ABCC9: variants seen among roughly 807,000 people sequenced by gnomAD.
The protein encoded by ABCC9 is ATP-binding cassette sub-family C member 9.
ABCC9 carries 95 observed loss-of-function variants against 188.3 expected under a neutral mutation model. The observed-to-expected ratio is 0.50, with a 90% CI of 0.43 to 0.60. The LOEUF is 0.60. ABCC9 is among the 20% of genes least tolerant of loss of function. The pLI is 0.00. For synonymous variants in ABCC9, 659 were observed against 652.7 expected, an observed-to-expected ratio of 1.01 and a Z score of -0.15; for missense variants, 1,102 against 1,876.3, an observed-to-expected ratio of 0.59 and a Z score of 7.62.
chr12:21,798,669 C>T lies in ABCC9; in HGVS notation c.*2375G>A, dbSNP rs1299186383. 1 of 152,022 alleles carries T rather than the reference C, an allele frequency of 6.6e-6. No individual in the cohort carries two copies. The highest frequency in any genetic ancestry group is 1.9e-4 in the East Asian group (1 of 5,168). 9.4% of individuals were successfully genotyped at this position (152,022 alleles called of 1,614,324 possible). A position where few individuals can be genotyped will look rare whatever the true frequency, so the allele number is the denominator to read the frequency against. On this transcript the variant is annotated 3_prime_UTR_variant, in exon 40 of 40. Transcript: ENST00000261200. ...CTGTGCAGAAGCTCTTTAGTTTAAC[C>T]ATTGTGGAAGTCAGTGTGGCGATTC...
intron 36 of ABCC9, among the ~76,000 whole-genome samples, chr12:21,810,165 G>A (rs1047108883): frequency 1.3e-5 from 2 of 152,114 alleles, no homozygotes; most frequent in Non-Finnish European, 1.5e-5. Context: ...ATAAAAAATT[G>A]TCTTGATATC....
intron 18 of ABCC9, among the ~76,000 whole-genome samples, chr12:21,864,710 C>G (rs1945697269): frequency 6.6e-6 from 1 of 152,078 alleles, no homozygotes; most frequent in Non-Finnish European, 1.5e-5. Context: ...TAGCACTGTT[C>G]TCTTTCATAA....
intron 35 of ABCC9, among the ~76,000 whole-genome samples, chr12:21,813,002 C>T (rs932010429): frequency 2.0e-5 from 3 of 152,126 alleles, no homozygotes; most frequent in Non-Finnish European, 4.4e-5. Flanking sequence ...ACTTTTCCTT[C>T]TAGTATTCCC....
chr12:21,870,982 G>T (rs11046218), intron 18 of ABCC9, among the ~76,000 whole-genome samples: 7,826 of 152,162 alleles, frequency 0.051, 335 homozygotes, highest in South Asian at 0.12. Context: ...TGGGGCTGGG[G>T]CCTGGAAAGT....
At chr12:21,802,465 A>T (rs1198609410) in intron 39 of ABCC9, among the ~76,000 whole-genome samples, 1 of 152,216 alleles carries the variant, frequency 6.6e-6, no homozygotes, top group Non-Finnish European at 1.5e-5. Context: ...AATGAAAGCA[A>T]CTTTAATACA....
chr12:21,818,114 G>C (rs769928616), intron 32 of ABCC9, 36 bp downstream of exon 32: 8 of 1,452,352 alleles, frequency 5.5e-6, no homozygotes, highest in Non-Finnish European at 7.7e-6. Flanking sequence ...GCGGTGTTTG[G>C]TTATCTGTTC....
At chr12:21,885,604 A>C (rs1946834522) in intron 15 of ABCC9, among the ~76,000 whole-genome samples, 1 of 152,046 alleles carries the variant, frequency 6.6e-6, no homozygotes, top group Non-Finnish European at 1.5e-5. Context: ...CAAATATTTG[A>C]TCCCCTACTG....
At chr12:21,860,749 A>T (rs1438414232) in intron 21 of ABCC9, among the ~76,000 whole-genome samples, 1 of 152,180 alleles carries the variant, frequency 6.6e-6, no homozygotes, top group East Asian at 1.9e-4. Flanking sequence ...CTCTTAAGTG[A>T]CTAGTACCAT....
At chr12:21,882,178 C>T (rs1413506687) in intron 16 of ABCC9, among the ~76,000 whole-genome samples, 3 of 152,172 alleles carry the variant, frequency 2.0e-5, no homozygotes, top group African/African-American at 4.8e-5. Flanking sequence ...ACTCTGGCAG[C>T]TCCCATGGAT....
chr12:21,839,103 G>A (rs1346535062), intron 29 of ABCC9, among the ~76,000 whole-genome samples: 3 of 152,202 alleles, frequency 2.0e-5, no homozygotes, highest in African/African-American at 7.2e-5. Context: ...CAATGTACAG[G>A]ATGAAAGAGA....
chr12:21,898,105 C>A (rs1175702113), intron 12 of ABCC9, among the ~76,000 whole-genome samples: 1 of 152,154 alleles, frequency 6.6e-6, no homozygotes, highest in African/African-American at 2.4e-5. Flanking sequence ...CTGCAGTGAG[C>A]TATGTTTGCA....
rs558786431 is a variant in ABCC9, at chr12:21,801,742, G to A, written c.4513-561C>T. Among the ~76,000 whole-genome samples, 26 of 152,230 alleles carry A rather than the reference G, an allele frequency of 1.7e-4. 1 individual carries two copies. In the South Asian group the frequency reaches 4.8e-3, roughly 28 times the overall value. ...ACTGACCCATTCCTTCTTTCCACGC[G>A]ATGCCCTTTGGATTAATTAGTAACT... On this transcript the variant is annotated intron_variant, in intron 39 of 39. Transcript: ENST00000261200.
intron 12 of ABCC9, among the ~76,000 whole-genome samples, chr12:21,901,474 T>A (rs2137799153): frequency 6.6e-6 from 1 of 152,222 alleles, no homozygotes; most frequent in South Asian, 2.1e-4. Flanking sequence ...TAAAAGTAAA[T>A]GGGCTAAATG....
At position 21,895,259 on chromosome 12, in the gene ABCC9, A is replaced by G. The variant is rs1200805846; in HGVS notation, c.1659+16T>C. On this transcript the variant is annotated intron_variant, in intron 13 of 39. Transcript: ENST00000261200. ...TGACTTGGTTTCATTTCTAAAAGAG[A>G]GAAAAAGTGTCTTACAGCAAGAACA... The G allele has an allele frequency of 6.2e-7, 1 of 1,609,654 alleles. No individual in the cohort carries two copies.
At chr12:21,808,958 T>G (rs1415712155) in intron 37 of ABCC9, among the ~76,000 whole-genome samples, 1 of 152,102 alleles carries the variant, frequency 6.6e-6, no homozygotes, top group African/African-American at 2.4e-5. Context: ...AAATGTAGTA[T>G]TTCTGAGTTG....
rs1972613 is a variant in ABCC9 at position 21,861,288 on chromosome 12, T to C, written c.2340-233A>G. On this transcript the variant is annotated intron_variant, in intron 20 of 39. Transcript: ENST00000261200. ...CTCTGTCACCCAAGCTGGAGTTCAGTGGCACGATCTTGGTTCACTGCAACC... is the reference window on the plus strand; with the variant it reads ...CTCTGTCACCCAAGCTGGAGTTCAGCGGCACGATCTTGGTTCACTGCAACC... Among the ~76,000 whole-genome samples the C allele has an allele frequency of 0.36, 54,445 of 150,744 alleles. 10,931 individuals are homozygous for C. The highest frequency in any genetic ancestry group is 0.51 in the Middle Eastern group (147 of 290).
intron 33 of ABCC9, 89 bp from the exon 34 acceptor site, chr12:21,815,982 CATAT>C (rs956749738): frequency 4.0e-5 from 27 of 683,234 alleles, no homozygotes; most frequent in Non-Finnish European, 5.1e-5. Flanking sequence ...TACATTTATA[CATAT>C]ATATATATTT....
At chr12:21,805,832 A>G (rs762657232) in intron 39 of ABCC9, among the ~76,000 whole-genome samples, 166 bp downstream of exon 39, 1 of 152,214 alleles carries the variant, frequency 6.6e-6, no homozygotes, top group Non-Finnish European at 1.5e-5. Flanking sequence ...GAAAAGAACA[A>G]TGCTTTCAAA....
At chr12:21,893,421 A>G (rs927246474) in intron 14 of ABCC9, among the ~76,000 whole-genome samples, 7 of 152,204 alleles carry the variant, frequency 4.6e-5, no homozygotes, top group Non-Finnish European at 8.8e-5. Flanking sequence ...ATTGTTGCCA[A>G]TATAAACTGG....
Sources: gnomAD v4.1 joint callset for allele counts (sites outside exome capture counted in the v4.1 genomes callset) on GRCh38, gnomAD v4.1.1 for gene constraint, MANE v1.5 for transcripts, NCBI Gene and HGNC (gene_info 2026-07-23, HGNC 2026-07-21) for gene names.